The following DISP2 variants were observed in gnomAD, a reference collection of about 807,000 sequenced individuals.
DISP2 encodes dispatched RND transporter family member 2.
DISP2 carries 59 observed loss-of-function variants against 95.5 expected under a neutral mutation model. That is an observed-to-expected ratio of 0.62 (90% confidence interval 0.50 to 0.77). DISP2 has a LOEUF of 0.77. Ranked by LOEUF, DISP2 falls within the 30% of genes least tolerant of loss-of-function variation. DISP2 has a pLI of 0.00. For missense variants in DISP2, 1,752 were observed against 1,854.6 expected (o/e 0.94, Z 1.02); for synonymous variants, 827 against 815.0 (o/e 1.01, Z -0.25).
rs1889711066 is a variant in DISP2, at chr15:40,374,992, G to A, written c.*4674G>A. ...GCAAGCTCTTGGGACCCCATGCCAA[G>A]CATCAAGATCCCATTTACCTGGTGA... On this transcript the variant is annotated 3_prime_UTR_variant, in exon 8 of 8. Transcript: ENST00000267889. 6.6e-6 allele frequency: 1 copy of A among 152,142 alleles called. No homozygotes were observed. Among genetic ancestry groups the A allele is most frequent in the Non-Finnish European group, 1.5e-5 (1 of 68,036 alleles). The allele number at this position is 152,142 out of a possible 1,614,324, so 9.4% of individuals were successfully genotyped here.
Position 40,368,207 on chromosome 15 carries a change from G to T in DISP2, c.2095G>T (p.Val699Phe). 1 of 1,609,032 alleles carries T rather than the reference G, an allele frequency of 6.2e-7. No individual in the cohort carries two copies. The highest frequency in any genetic ancestry group is 2.2e-5 in the East Asian group (1 of 44,712). The change falls in exon 8 of 8, where the codon GTC becomes TTC. Residue 699 changes from valine (V) to phenylalanine (F), a missense_variant. Around this residue, in one of 5 missense-constraint regions of DISP2, gnomAD observed 732 missense variants for 714.6 expected, o/e 1.02. Transcript: ENST00000267889. ...LLFQRLLPCG[V>F]IKFRYIWICW... ...CTTCCAGCGCCTGCTGCCCTGCGGCGTCATCAAGTTCCGCTACATCTGGAT... is the reference window on the plus strand; with the variant it reads ...CTTCCAGCGCCTGCTGCCCTGCGGCTTCATCAAGTTCCGCTACATCTGGAT...
rs989875269 is a variant in DISP2 at position 40,377,902 on chromosome 15, G to T, written c.*7584G>T. 6.6e-6 allele frequency: 1 copy of T among 152,288 alleles called. No homozygotes were observed. Among genetic ancestry groups the T allele is most frequent in the Non-Finnish European group, 1.5e-5 (1 of 68,056 alleles). 9.4% of individuals were successfully genotyped at this position (152,288 alleles called of 1,614,324 possible). On this transcript the variant is annotated 3_prime_UTR_variant, in exon 8 of 8. Transcript: ENST00000267889. ...AGCATTGGTCAGAGGTCTCAGAAGG[G>T]CCTTGCCTCGTAGTGGGGATTCATT... is the stretch of plus-strand genomic sequence containing the variant.
Position 40,371,167 on chromosome 15 carries a change from A to T in DISP2, c.*849A>T, listed in dbSNP as rs1272607923. On this transcript the variant is annotated 3_prime_UTR_variant, in exon 8 of 8. Transcript: ENST00000267889. ...GGTAAAGACATTGAGACTAAGTAAG[A>T]TGAACTGACCTCAGGGTCACTTAGC... The T allele has an allele frequency of 6.5e-6, 1 of 153,116 alleles. No individual in the cohort carries two copies. The highest frequency in any genetic ancestry group is 2.4e-5 in the African/African-American group (1 of 41,442). The allele number at this position is 153,116 out of a possible 1,614,324, so 9.5% of individuals were successfully genotyped here.
Position 40,368,773 on chromosome 15 carries a change from C to G in DISP2, c.2661C>G (p.Thr887=). ...CTCTGGAGCAAGGCCCCGATGGCAC[C>G]CAGGACCTGGGACTCCGCTTTGATG... The part of the protein sequence containing the change: ...MMALEQGPDG[T]QDLGLRFDAH... The change falls in exon 8 of 8, where the codon ACC becomes ACG. Residue 887 remains threonine (T), a synonymous_variant. Coordinates refer to ENST00000267889, the MANE Select transcript of DISP2 (RefSeq NM_033510.3). 1 of 1,613,842 alleles carries G rather than the reference C, an allele frequency of 6.2e-7. No homozygotes were observed. The highest frequency in any genetic ancestry group is 8.5e-7 in the Non-Finnish European group (1 of 1,180,036).
chr15:40,368,384 C>T lies in DISP2; in HGVS notation c.2272C>T (p.Leu758=), dbSNP rs1411766940. 6.2e-7 allele frequency: 1 copy of T among 1,607,572 alleles called. No individual in the cohort carries two copies. Among genetic ancestry groups the T allele is most frequent in the Non-Finnish European group, 8.5e-7 (1 of 1,179,750 alleles). The change falls in exon 8 of 8, where the codon CTG becomes TTG. Residue 758 remains leucine (L), a synonymous_variant. Coordinates refer to ENST00000267889, the MANE Select transcript of DISP2 (RefSeq NM_033510.3). ...RFDAEYRQLF[L]FEQLPQGEGG... Reference sequence around the variant, plus strand: ...CGACGCGGAGTATCGCCAGCTGTTCCTGTTCGAGCAGCTGCCGCAGGGCGA... The same window carrying T: ...CGACGCGGAGTATCGCCAGCTGTTCTTGTTCGAGCAGCTGCCGCAGGGCGA...
At chr15:40,365,311 T>C in intron 6 of DISP2, 37 bp downstream of exon 6, 2 of 1,608,764 alleles carry the variant, frequency 1.2e-6, no homozygotes, top group Non-Finnish European at 1.7e-6. Context: ...GTTTTAATAG[T>C]GGTCCCCACC....
In DISP2 at chr15:40,368,949, G is replaced by C. The variant is rs1437225991; in HGVS notation, c.2837G>C (p.Trp946Ser). 1.2e-6 allele frequency: 2 copies of C among 1,613,858 alleles called. No homozygotes were observed. Among genetic ancestry groups the C allele is most frequent in the African/African-American group, 2.7e-5 (2 of 74,950 alleles). ...GMAPPGLRRG[W>S]FTSRLELYSL... Reference sequence around the variant, plus strand: ...GCACCTCCAGGCCTCCGCCGTGGTTGGTTCACTAGCCGTCTAGAGCTGTAT... The same window carrying C: ...GCACCTCCAGGCCTCCGCCGTGGTTCGTTCACTAGCCGTCTAGAGCTGTAT... Residue 946 changes from tryptophan to serine, a missense_variant, in exon 8 of 8, where the codon TGG becomes TCG. Physicochemically the swap from Trp to Ser is radical, Grantham distance 177. This residue lies in a region of DISP2 where 317 missense variants were observed against 394.9 expected (regional missense o/e 0.80). Coordinates refer to ENST00000267889, the MANE Select transcript of DISP2 (RefSeq NM_033510.3).
chr15:40,374,481 C>G lies in DISP2; in HGVS notation c.*4163C>G, dbSNP rs1015078642. On this transcript the variant is annotated 3_prime_UTR_variant, in exon 8 of 8. Transcript: ENST00000267889. ...CAAGAGAGTTATAAGCCAAAATTTC[C>G]CTAGCCCCCTCCAACTCATTCTGTC... 1 of 151,126 alleles carries G rather than the reference C, an allele frequency of 6.6e-6. No homozygotes were observed. Among genetic ancestry groups the G allele is most frequent in the Non-Finnish European group, 1.5e-5 (1 of 67,910 alleles). 9.4% of individuals were successfully genotyped at this position (151,126 alleles called of 1,614,324 possible).
intron 1 of DISP2, among the ~76,000 whole-genome samples, 158 bp from the exon 2 acceptor site, chr15:40,363,467 C>T (rs1889438704): frequency 6.6e-6 from 1 of 152,116 alleles, no homozygotes; most frequent in East Asian, 1.9e-4. Flanking sequence ...AGACTTCGAG[C>T]CCCTGGCCTC....
chr15:40,365,569 G>T, intron 6 of DISP2, 59 bp from the exon 7 acceptor site: 1 of 1,580,852 alleles, frequency 6.3e-7, no homozygotes. Flanking sequence ...TCTTCCCTTT[G>T]GAGGACCCAG....
At position 40,364,905 on chromosome 15, in the gene DISP2, C is replaced by G. The variant is rs574657564; in HGVS notation, c.671C>G (p.Thr224Arg). The G allele has an allele frequency of 6.2e-7, 1 of 1,614,210 alleles. No individual in the cohort carries two copies. Among genetic ancestry groups the G allele is most frequent in the East Asian group, 2.2e-5 (1 of 44,888 alleles). ...GTCTGGAGAGCACTACAAGCCCTCA[C>G]AGGCCCCAGGAAGCTGCTTTTCCTT... ...LVVWRALQALTGPRKLLFLSP... is the reference protein window; with the variant it reads ...LVVWRALQALRGPRKLLFLSP... Residue 224 changes from threonine (T) to arginine (R), a missense_variant, in exon 5 of 8, where the codon ACA becomes AGA. By Grantham distance (71) the Thr-to-Arg change is moderately conservative (BLOSUM62 -1). This residue lies in a region of DISP2 where 342 missense variants were observed against 364.3 expected (regional missense o/e 0.94). Coordinates refer to ENST00000267889, the MANE Select transcript of DISP2 (RefSeq NM_033510.3).
At chr15:40,360,109 G>T (rs1889384287) in intron 1 of DISP2, among the ~76,000 whole-genome samples, 1 of 152,156 alleles carries the variant, frequency 6.6e-6, no homozygotes, top group Admixed American at 6.5e-5. Context: ...GGCCCTGATT[G>T]CTGGGATGCT....
In DISP2 at chr15:40,363,998, C is replaced by T. The variant is rs753826127; in HGVS notation, c.449+44C>T. 1.7e-5 allele frequency: 25 copies of T among 1,510,598 alleles called. No homozygotes were observed. In the Admixed American group the frequency reaches 2.3e-4, roughly 14 times the overall value. 93.6% of individuals were successfully genotyped at this position (1,510,598 alleles called of 1,614,324 possible). On this transcript the variant is annotated intron_variant, in intron 2 of 7. Transcript: ENST00000267889. The stretch of plus-strand genomic sequence containing the variant: ...GCCTGCCAGCTGCCACTGGAAAATG[C>T]GGTGGGGCTTAAGAGTGGGGCAGAC...
Position 40,358,248 on chromosome 15 carries a change from G to GCCGCCA in DISP2, c.-68_-63dup, listed in dbSNP as rs755868900. 185,396 of 1,025,302 alleles carry GCCGCCA rather than the reference G, an allele frequency of 0.18. 15,534 individuals are homozygous for GCCGCCA. The highest frequency in any genetic ancestry group is 0.19 in the Non-Finnish European group (159,311 of 830,974). The allele number at this position is 1,025,302 out of a possible 1,614,324, so 63.5% of individuals were successfully genotyped here. A position where few individuals can be genotyped will look rare whatever the true frequency, so the allele number is the denominator to read the frequency against. On this transcript the variant is annotated 5_prime_UTR_variant, in exon 1 of 8. Coordinates refer to ENST00000267889, the MANE Select transcript of DISP2 (RefSeq NM_033510.3). ...GCACGAGCACCCCGCCGCCGCTGCC[G>GCCGCCA]CCGCCACCGCCGCCGCCGCCGCCGC...
rs139661975 is a variant in DISP2 at position 40,375,406 on chromosome 15, C to G, written c.*5088C>G. ...TAGATTTGAATTCATGACCACCTAT[C>G]TTAACTGGACCCTCAGCTCTGCCTA... On this transcript the variant is annotated 3_prime_UTR_variant, in exon 8 of 8. Transcript: ENST00000267889. 2 of 152,312 alleles carry G rather than the reference C, an allele frequency of 1.3e-5. No individual in the cohort carries two copies. Among genetic ancestry groups the G allele is most frequent in the East Asian group, 3.9e-4 (2 of 5,194 alleles). 9.4% of individuals were successfully genotyped at this position (152,312 alleles called of 1,614,324 possible).
intron 1 of DISP2, among the ~76,000 whole-genome samples, chr15:40,360,157 C>T (rs189229522): frequency 6.6e-6 from 1 of 152,308 alleles, no homozygotes; most frequent in East Asian, 1.9e-4. Context: ...ACTTTCCATC[C>T]CCCTGCCTGC....
At position 40,372,027 on chromosome 15, in the gene DISP2, C is replaced by T. The variant is rs368861009; in HGVS notation, c.*1709C>T. 18 of 152,210 alleles carry T rather than the reference C, an allele frequency of 1.2e-4. No homozygotes were observed. The highest frequency in any genetic ancestry group is 4.3e-4 in the African/African-American group (18 of 41,524). 9.4% of individuals were successfully genotyped at this position (152,210 alleles called of 1,614,324 possible). A position where few individuals can be genotyped will look rare whatever the true frequency, so the allele number is the denominator to read the frequency against. On this transcript the variant is annotated 3_prime_UTR_variant, in exon 8 of 8. Transcript: ENST00000267889. The stretch of plus-strand genomic sequence containing the variant: ...ACCAAGCGTCTCAGACTGGAAGGGG[C>T]CTTGGCGATCGTTTATTCCAGCAGT...
chr15:40,376,215 A>G lies in DISP2; in HGVS notation c.*5897A>G, dbSNP rs1322002409. The stretch of plus-strand genomic sequence containing the variant: ...TGAGACACAGTGGCTCATGCCTATA[A>G]TCCCAGTGTTTTGAAAGGCTGAAGT... On this transcript the variant is annotated 3_prime_UTR_variant, in exon 8 of 8. Transcript: ENST00000267889. The G allele has an allele frequency of 6.6e-6, 1 of 152,262 alleles. No individual in the cohort carries two copies. Among genetic ancestry groups the G allele is most frequent in the Non-Finnish European group, 1.5e-5 (1 of 68,052 alleles). The allele number at this position is 152,262 out of a possible 1,614,324, so 9.4% of individuals were successfully genotyped here.
Position 40,365,228 on chromosome 15 carries a change from G to A in DISP2, c.801G>A (p.Glu267=). The change falls in exon 6 of 8, where the codon GAG becomes GAA. Residue 267 remains glutamate (E), a synonymous_variant. Coordinates refer to ENST00000267889, the MANE Select transcript of DISP2 (RefSeq NM_033510.3). ...CTGTCCGGCCTCGGAGAATGGTGGA[G>A]CCCCTGGAGGACAGAAGGCAAGAGA... The part of the protein sequence containing the change: ...ESAVRPRRMV[E]PLEDRRQENF... The A allele has an allele frequency of 1.9e-6, 3 of 1,614,124 alleles. No homozygotes were observed. The highest frequency in any genetic ancestry group is 2.5e-6 in the Non-Finnish European group (3 of 1,180,040).
Sources: allele counts gnomAD v4.1 joint callset (sites outside exome capture counted in the v4.1 genomes callset), GRCh38; gene constraint gnomAD v4.1.1; regional missense constraint gnomAD v4.1.1; transcripts MANE v1.5; gene names NCBI Gene and HGNC (gene_info 2026-07-23, HGNC 2026-07-21).